DGLUCY: variants seen among roughly 807,000 people sequenced by gnomAD.
DGLUCY encodes D-glutamate cyclase, mitochondrial.
In DGLUCY, 58 loss-of-function variants were observed where a neutral mutation model predicts 58.5. The observed-to-expected ratio is 0.99, with a 90% confidence interval of 0.80 to 1.23. The LOEUF (loss-of-function observed/expected upper bound fraction) is 1.23, where lower values mean the gene tolerates loss of function less well. Ranked by LOEUF, DGLUCY falls within the 50% of genes most tolerant of loss-of-function variation. The probability of loss-of-function intolerance (pLI) is 0.00; values close to 1 mark genes in which losing one functional copy is unlikely to be tolerated. For missense variants in DGLUCY, 779 were observed against 784.7 expected (o/e 0.99, Z 0.09); for synonymous variants, 325 against 314.1 (o/e 1.03, Z -0.37).
intron 1 of DGLUCY, among the ~76,000 whole-genome samples, chr14:91,150,034 T>G (rs2047228703): frequency 6.6e-6 from 1 of 151,596 alleles, no homozygotes; most frequent in African/African-American, 2.4e-5. Context: ...GCCTGGCCAA[T>G]ATGGTGAAAC....
intron 5 of DGLUCY, among the ~76,000 whole-genome samples, chr14:91,172,770 C>A (rs999666901): frequency 1.6e-4 from 25 of 152,202 alleles, no homozygotes; most frequent in African/African-American, 5.3e-4. Flanking sequence ...CCTCAGCCTC[C>A]CGAGTAGCTG....
chr14:91,119,613 C>A (rs776562207), intron 1 of DGLUCY, among the ~76,000 whole-genome samples: 6 of 152,216 alleles, frequency 3.9e-5, no homozygotes, highest in Non-Finnish European at 7.3e-5. Flanking sequence ...GCCCTTCCTG[C>A]CTTTTGCCCT....
At chr14:91,112,123 C>T (rs959635871), upstream of DGLUCY, among the ~76,000 whole-genome samples, 2 of 151,952 alleles carry the variant, frequency 1.3e-5, no homozygotes, top group Non-Finnish European at 2.9e-5. Context: ...GTGGCACATG[C>T]CTGTAATCTC....
chr14:91,200,362 C>A (rs2050477518), intron 11 of DGLUCY, among the ~76,000 whole-genome samples: 2 of 152,110 alleles, frequency 1.3e-5, no homozygotes, highest in Admixed American at 1.3e-4. Context: ...GGTATAGACA[C>A]TAATGACACC....
chr14:91,165,252 C>T, intron 3 of DGLUCY: 1 of 456,196 alleles, frequency 2.2e-6, no homozygotes, highest in Non-Finnish European at 4.4e-6. Flanking sequence ...CACAGGATTT[C>T]ATTGAACAGT....
Position 91,190,519 on chromosome 14 carries a change from G to A in DGLUCY, c.1195+1349G>A, listed in dbSNP as rs111473109. On this transcript the variant is annotated intron_variant, in intron 9 of 13. Coordinates refer to ENST00000256324, the MANE Select transcript of DGLUCY (RefSeq NM_001102368.3). ...CTGTCACTTTACACAGAATGGCCAG[G>A]AAGACCTCCTGGAGGAGGTGGCCTT... Among the ~76,000 whole-genome samples the A allele has an allele frequency of 1.3e-3, 194 of 152,244 alleles. 2 individuals carry two copies. The highest frequency in any genetic ancestry group is 4.5e-3 in the African/African-American group (185 of 41,548).
chr14:91,116,958 A>G (rs1009719803), intron 1 of DGLUCY, among the ~76,000 whole-genome samples: 1 of 151,496 alleles, frequency 6.6e-6, no homozygotes, highest in African/African-American at 2.4e-5. Context: ...AAAAAAAAGA[A>G]CGGCTACTCC....
intron 13 of DGLUCY, among the ~76,000 whole-genome samples, chr14:91,217,415 C>T (rs1026996164): frequency 4.0e-5 from 6 of 151,656 alleles, no homozygotes; most frequent in African/African-American, 1.5e-4. Context: ...AAGTCCCCTG[C>T]CAGTGGGCAG....
At chr14:91,125,438 AG>A (rs1000863606) in intron 1 of DGLUCY, 1 of 152,288 alleles carries the variant, frequency 6.6e-6, no homozygotes, top group Admixed American at 6.5e-5. Flanking sequence ...GTCCAGAGAT[AG>A]AACTGTGTTT....
intron 1 of DGLUCY, among the ~76,000 whole-genome samples, chr14:91,139,657 C>T (rs149331947): frequency 1.4e-3 from 219 of 152,320 alleles, no homozygotes; most frequent in African/African-American, 4.9e-3. Context: ...TGCACTCCAG[C>T]CTGGGCAACA....
At chr14:91,160,432 A>G (rs2047914273) in intron 3 of DGLUCY, 35 bp downstream of exon 3, 1 of 1,454,112 alleles carries the variant, frequency 6.9e-7, no homozygotes, top group East Asian at 2.3e-5. Context: ...AAAAAAAAAA[A>G]AAAAAAAAAG....
intron 10 of DGLUCY, among the ~76,000 whole-genome samples, chr14:91,197,813 G>A (rs919052073): frequency 2.0e-5 from 3 of 152,200 alleles, no homozygotes; most frequent in African/African-American, 7.2e-5. Flanking sequence ...CACTGGGTTT[G>A]CTTCCTGCTC....
upstream of DGLUCY, among the ~76,000 whole-genome samples, chr14:91,113,056 C>T (rs530293840): frequency 3.4e-5 from 5 of 148,842 alleles, no homozygotes; most frequent in Non-Finnish European, 7.4e-5. Context: ...AATCCCAGCA[C>T]TTTGGGAGGC....
intron 12 of DGLUCY, among the ~76,000 whole-genome samples, chr14:91,206,346 C>G (rs1884701723): frequency 6.6e-6 from 1 of 152,098 alleles, no homozygotes; most frequent in Non-Finnish European, 1.5e-5. Flanking sequence ...CCCGACACAT[C>G]TTACCACCAT....
In DGLUCY at chr14:91,199,821, A is replaced by G. The variant is rs768974361; in HGVS notation, c.1360A>G (p.Arg454Gly). The G allele has an allele frequency of 2.5e-6, 4 of 1,614,184 alleles. No homozygotes were observed. The Admixed American group carries it at 5.0e-5, about 20-fold the overall frequency. Residue 454 changes from arginine to glycine, a missense_variant, in exon 11 of 14, where the codon AGG (arginine) becomes GGG (glycine). Physicochemically the swap from Arg to Gly is moderately radical, Grantham distance 125. Transcript: ENST00000256324. The part of the protein sequence containing the change: ...RAADGNYYNA[R>G]KMNIKHLVDP... ...TGCTGATGGCAATTACTACAATGCA[A>G]GGAAGATGAACATCAAGCACTTGGT...
rs768949144 is a variant in DGLUCY, at chr14:91,170,198, C to T, written c.453C>T (p.Tyr151=). The T allele has an allele frequency of 1.9e-6, 3 of 1,613,348 alleles. No individual in the cohort carries two copies. Among genetic ancestry groups the T allele is most frequent in the South Asian group, 2.2e-5 (2 of 91,060 alleles). Residue 151 remains tyrosine, a synonymous_variant, in exon 5 of 14, where the codon TAC becomes TAT. Coordinates refer to ENST00000256324, the MANE Select transcript of DGLUCY (RefSeq NM_001102368.3). ...CAGGTCACAGCCAGGCGGGTGCATA[C>T]AAGGTAGGGACACAGCCCACAGCCC... ...DPAGHSQAGA[Y]KTTVPCVTHA...
intron 3 of DGLUCY, among the ~76,000 whole-genome samples, chr14:91,163,599 C>G (rs1193065730): frequency 6.6e-6 from 1 of 152,190 alleles, no homozygotes; most frequent in African/African-American, 2.4e-5. Flanking sequence ...TCCCCAGTCC[C>G]CATGGAGGAC....
At chr14:91,203,594 C>G (rs184068388) in intron 11 of DGLUCY, among the ~76,000 whole-genome samples, 1 of 152,080 alleles carries the variant, frequency 6.6e-6, no homozygotes, top group Non-Finnish European at 1.5e-5. Context: ...CTATAAATAC[C>G]TGGACACAGG....
rs771969556 is a variant in DGLUCY, at chr14:91,204,797, C to T, written c.1536C>T (p.Asp512=). The change falls in exon 12 of 14, where the codon GAC becomes GAT. Residue 512 remains aspartate, a synonymous_variant. Coordinates refer to ENST00000256324, the MANE Select transcript of DGLUCY (RefSeq NM_001102368.3). ...GGCACGGGGATGTCATCGCCTGCGA[C>T]GTGGAGGCTGACTTTGCCGTCATTG... ...HIRHGDVIAC[D]VEADFAVIAG... is the part of the protein sequence containing the mutation. 1.1e-5 allele frequency: 17 copies of T among 1,613,968 alleles called. No homozygotes were observed. The African/African-American group carries it at 1.1e-4, about 10-fold the overall frequency.
Sources: gnomAD v4.1 joint callset for allele counts (sites outside exome capture counted in the v4.1 genomes callset) on GRCh38, gnomAD v4.1.1 for gene constraint, MANE v1.5 for transcripts, NCBI Gene and HGNC (gene_info 2026-07-23, HGNC 2026-07-21) for gene names.